The following FABP6 variants were observed in gnomAD, a reference collection of about 807,000 sequenced individuals.
FABP6 encodes gastrotropin.
Under a neutral mutation model 14.9 loss-of-function variants are expected in FABP6, and 13 were observed. The observed-to-expected ratio is 0.87, with a 90% CI of 0.57 to 1.39. FABP6 has a LOEUF of 1.39. Ranked by LOEUF, FABP6 falls within the 40% of genes most tolerant of loss-of-function variation. The probability of loss-of-function intolerance (pLI) is 0.00; values close to 1 mark genes in which losing one functional copy is unlikely to be tolerated. For missense variants in FABP6, 161 were observed against 167.2 expected, an observed-to-expected ratio of 0.96 and a Z score of 0.20; for synonymous variants, 75 against 63.6, an observed-to-expected ratio of 1.18 and a Z score of -0.85.
chr5:160,216,574 C>T (rs1580912688), intron 3 of FABP6, among the ~76,000 whole-genome samples: 1 of 152,244 alleles, frequency 6.6e-6, no homozygotes, highest in African/African-American at 2.4e-5. Context: ...GCCTGGCCCT[C>T]ATTGTAACTT....
chr5:160,235,845 A>G (rs1418476777), intron 3 of FABP6, among the ~76,000 whole-genome samples: 2 of 151,948 alleles, frequency 1.3e-5, no homozygotes, highest in Non-Finnish European at 2.9e-5. Context: ...AAAGGAGCAC[A>G]CTGCCTCTCT....
chr5:160,212,531 C>T (rs1236293897), intron 2 of FABP6, among the ~76,000 whole-genome samples: 2 of 151,794 alleles, frequency 1.3e-5, no homozygotes, highest in South Asian at 2.1e-4. Flanking sequence ...TGCAGTGGCA[C>T]GATCTCCGCT....
At chr5:160,234,367 C>G (rs1760458412) in intron 2 of FABP6, among the ~76,000 whole-genome samples, 1 of 139,870 alleles carries the variant, frequency 7.1e-6, no homozygotes, top group Non-Finnish European at 1.5e-5. Flanking sequence ...CATACTTTCT[C>G]TAAGAAATCT....
upstream of FABP6, among the ~76,000 whole-genome samples, chr5:160,224,748 G>A (rs10041594): frequency 0.29 from 43,160 of 151,326 alleles, 6,520 homozygotes; most frequent in Admixed American, 0.36. Context: ...GGGCAACATA[G>A]TGAGACTGTC....
intron 3 of FABP6, among the ~76,000 whole-genome samples, chr5:160,237,932 C>T (rs1760551984): frequency 6.6e-6 from 1 of 152,188 alleles, no homozygotes; most frequent in Admixed American, 6.5e-5. Flanking sequence ...TAGTCAGTGG[C>T]TCCCTGCCTC....
chr5:160,187,505 G>A (rs1759310605), intron 1 of FABP6: 2 of 142,242 alleles, frequency 1.4e-5, no homozygotes, highest in South Asian at 5.0e-4. Flanking sequence ...TATCCTTGAG[G>A]AACCAACAGC....
At chr5:160,208,103 A>T (rs1048259807) in intron 2 of FABP6, among the ~76,000 whole-genome samples, 1 of 151,888 alleles carries the variant, frequency 6.6e-6, no homozygotes, top group Non-Finnish European at 1.5e-5. Flanking sequence ...ATTTTTCTGA[A>T]TTTTATGTTA....
At position 160,201,614 on chromosome 5, in the gene FABP6, G is replaced by A. The variant is rs79555770; in HGVS notation, c.51+2457G>A. ...ATAAGTAAAGTCAGAGTTGGGGGAGGAGCCAGGTGGGATTCCCTCTCCCCT... is the reference window on the plus strand; with the variant it reads ...ATAAGTAAAGTCAGAGTTGGGGGAGAAGCCAGGTGGGATTCCCTCTCCCCT... On this transcript the variant is annotated intron_variant, in intron 2 of 6. Transcript: ENST00000393980. Among the ~76,000 whole-genome samples the A allele has an allele frequency of 9.5e-3, 1,449 of 152,120 alleles. 28 individuals are homozygous for A. The highest frequency in any genetic ancestry group is 0.033 in the African/African-American group (1,376 of 41,476).
At chr5:160,222,025 A>G (rs1760137650) in intron 3 of FABP6, among the ~76,000 whole-genome samples, 1 of 152,042 alleles carries the variant, frequency 6.6e-6, no homozygotes, top group African/African-American at 2.4e-5. Context: ...TTGAAAAATA[A>G]GATTGTTTGG....
intron 1 of FABP6, among the ~76,000 whole-genome samples, chr5:160,191,618 AT>A (rs980008036): frequency 5.3e-5 from 8 of 151,918 alleles, no homozygotes; most frequent in African/African-American, 1.9e-4. Context: ...TATTAAAAAA[AT>A]TTTTTTAATT....
At chr5:160,238,085 G>A (rs555502247) in intron 3 of FABP6, among the ~76,000 whole-genome samples, 72 of 152,166 alleles carry the variant, frequency 4.7e-4, no homozygotes, top group Admixed American at 3.9e-3. Context: ...CTGGGGCACC[G>A]CACACTGTGG....
intron 2 of FABP6, among the ~76,000 whole-genome samples, chr5:160,203,542 T>C (rs887100239): frequency 6.6e-6 from 1 of 152,154 alleles, no homozygotes; most frequent in African/African-American, 2.4e-5. Context: ...CATTTTTTTT[T>C]CTTTGAGAAA....
chr5:160,205,068 G>T (rs1031000280), intron 2 of FABP6, among the ~76,000 whole-genome samples: 2 of 152,078 alleles, frequency 1.3e-5, no homozygotes, highest in African/African-American at 4.8e-5. Context: ...GTTTCTCAGA[G>T]AATTATAAAA....
At chr5:160,233,821 G>A (rs62377470) in intron 2 of FABP6, among the ~76,000 whole-genome samples, 6 of 150,988 alleles carry the variant, frequency 4.0e-5, no homozygotes, top group East Asian at 2.0e-4. Context: ...ACAGTGAGCC[G>A]AGATCACACC....
chr5:160,209,352 C>T (rs560763848), intron 2 of FABP6, among the ~76,000 whole-genome samples: 1 of 151,904 alleles, frequency 6.6e-6, no homozygotes, highest in East Asian at 1.9e-4. Flanking sequence ...TCTCTCTCCA[C>T]AAAAAAATAA....
chr5:160,200,138 G>A (rs2113073991), intron 2 of FABP6, among the ~76,000 whole-genome samples: 1 of 152,342 alleles, frequency 6.6e-6, no homozygotes, highest in Non-Finnish European at 1.5e-5. Context: ...ACCTTAGACA[G>A]CCTTCCTAAC....
chr5:160,192,010 G>A (rs976920130), intron 1 of FABP6, among the ~76,000 whole-genome samples: 1 of 151,888 alleles, frequency 6.6e-6, no homozygotes, highest in African/African-American at 2.4e-5. Flanking sequence ...GAAATCCTGG[G>A]CTCAAGCAGT....
intron 1 of FABP6, among the ~76,000 whole-genome samples, chr5:160,187,722 C>T (rs1057343333): frequency 1.0e-3 from 154 of 150,442 alleles, no homozygotes; most frequent in Non-Finnish European, 1.6e-3. Context: ...TTCTGAGCTG[C>T]ACCCTTAAAA....
chr5:160,207,384 G>A (rs139407220), intron 2 of FABP6, among the ~76,000 whole-genome samples: 89 of 152,306 alleles, frequency 5.8e-4, no homozygotes, highest in African/African-American at 2.0e-3. Flanking sequence ...GCAATAGTCA[G>A]ATTTTCTTTC....
Sources: allele counts gnomAD v4.1 joint callset (sites outside exome capture counted in the v4.1 genomes callset), GRCh38; gene constraint gnomAD v4.1.1; transcripts MANE v1.5; gene names NCBI Gene and HGNC (gene_info 2026-07-23, HGNC 2026-07-21).